The following ANKRD33B variants were observed in gnomAD, a reference collection of about 807,000 sequenced individuals.
ANKRD33B encodes ankyrin repeat domain 33B.
ANKRD33B carries 6 observed loss-of-function variants against 21.5 expected under a neutral mutation model. That is an observed-to-expected ratio of 0.28 (90% CI 0.15 to 0.55). The LOEUF (loss-of-function observed/expected upper bound fraction) is 0.55, where lower values mean the gene tolerates loss of function less well. Ranked by LOEUF, ANKRD33B falls within the 20% of genes least tolerant of loss-of-function variation. The pLI, the probability that ANKRD33B is intolerant of heterozygous loss-of-function variation, is 0.94. For synonymous variants in ANKRD33B, 347 were observed against 342.4 expected, an observed-to-expected ratio of 1.01 and a Z score of -0.15; for missense variants, 698 against 747.2, an observed-to-expected ratio of 0.93 and a Z score of 0.77.
intron 3 of ANKRD33B, among the ~76,000 whole-genome samples, chr5:10,647,568 T>C (rs1737217062): frequency 6.6e-6 from 1 of 152,166 alleles, no homozygotes; most frequent in Non-Finnish European, 1.5e-5. Flanking sequence ...GTGGGTGGAC[T>C]GGGGAGATTT....
rs1159519545 is a variant in ANKRD33B at position 10,649,921 on chromosome 5, G to C, written c.1293G>C (p.Ala431=). The C allele has an allele frequency of 6.6e-7, 1 of 1,523,192 alleles. No homozygotes were observed. Among genetic ancestry groups the C allele is most frequent in the East Asian group, 2.5e-5 (1 of 39,776 alleles). 94.4% of individuals were successfully genotyped at this position (1,523,192 alleles called of 1,614,324 possible). The change falls in exon 4 of 4, where the codon GCG becomes GCC. Residue 431 remains alanine (A), a synonymous_variant. Coordinates refer to ENST00000296657, the MANE Select transcript of ANKRD33B (RefSeq NM_001164440.2). ...VVVPRVRVSK[A]PAPTFQPERP... is the part of the protein sequence containing the mutation. The stretch of plus-strand genomic sequence containing the variant: ...TGCCCCGGGTCCGAGTCAGCAAGGC[G>C]CCCGCGCCCACCTTCCAGCCCGAGC...
At chr5:10,607,829 T>TC (rs1184027911) in intron 1 of ANKRD33B, among the ~76,000 whole-genome samples, 2 of 152,212 alleles carry the variant, frequency 1.3e-5, no homozygotes, top group Non-Finnish European at 2.9e-5. Context: ...GTCTGTGAGT[T>TC]CATCTTCTTA....
intron 1 of ANKRD33B, among the ~76,000 whole-genome samples, chr5:10,567,588 C>A (rs1735089541): frequency 6.6e-6 from 1 of 152,218 alleles, no homozygotes; most frequent in Non-Finnish European, 1.5e-5. Context: ...GGCACCTTCC[C>A]TGGGAGGCTT....
intron 1 of ANKRD33B, among the ~76,000 whole-genome samples, chr5:10,601,530 C>T (rs1735930485): frequency 6.6e-6 from 1 of 152,218 alleles, no homozygotes; most frequent in Non-Finnish European, 1.5e-5. Flanking sequence ...CTGGGCCGAG[C>T]CTGGCATTCT....
rs1737498567 is a variant in ANKRD33B, at chr5:10,656,876, A to C, written c.*6763A>C. The C allele has an allele frequency of 6.6e-6, 1 of 152,330 alleles. No individual in the cohort carries two copies. The highest frequency in any genetic ancestry group is 1.5e-5 in the Non-Finnish European group (1 of 68,044). The allele number at this position is 152,330 out of a possible 1,614,324, so 9.4% of individuals were successfully genotyped here. The stretch of plus-strand genomic sequence containing the variant: ...CTGAGGAAGCCCTGGTATTTCCCCA[A>C]GTCTGCCTATGTATTAGACACTCTA... On this transcript the variant is annotated 3_prime_UTR_variant, in exon 4 of 4. Transcript: ENST00000296657.
chr5:10,610,915 G>A (rs1312659868), intron 1 of ANKRD33B, among the ~76,000 whole-genome samples: 1 of 152,100 alleles, frequency 6.6e-6, no homozygotes, highest in Non-Finnish European at 1.5e-5. Context: ...GTGGTGGCGG[G>A]AGACTGTAAT....
intron 1 of ANKRD33B, among the ~76,000 whole-genome samples, chr5:10,605,821 G>C (rs538916280): frequency 6.6e-6 from 1 of 152,298 alleles, no homozygotes; most frequent in South Asian, 2.1e-4. Context: ...GAGCCACCAT[G>C]CCTGGCTGAG....
At chr5:10,590,589 TGC>T (rs34685376) in intron 1 of ANKRD33B, among the ~76,000 whole-genome samples, 39,192 of 150,032 alleles carry the variant, frequency 0.26, 5,471 homozygotes, top group Admixed American at 0.37. Context: ...TATTTTGAGA[TGC>T]GCGCGCGCGC....
Position 10,564,757 on chromosome 5 carries a change from A to G in ANKRD33B, c.290A>G (p.Asn97Ser), listed in dbSNP as rs1223839386. The G allele has an allele frequency of 1.0e-5, 16 of 1,528,876 alleles. No homozygotes were observed. The East Asian group carries it at 2.0e-4, about 19-fold the overall frequency. 94.7% of individuals were successfully genotyped at this position (1,528,876 alleles called of 1,614,324 possible). The change falls in exon 1 of 4, where the codon AAC (asparagine) becomes AGC (serine). Residue 97 changes from asparagine (N) to serine (S), a missense_variant. Asn to Ser is a conservative substitution (Grantham distance 46). Coordinates refer to ENST00000296657, the MANE Select transcript of ANKRD33B (RefSeq NM_001164440.2). ...ATLLRAACANNVGLLRTLVRR... is the reference protein window; with the variant it reads ...ATLLRAACANSVGLLRTLVRR... ...CTCCTGCGCGCCGCCTGCGCCAACAACGTGGGGCTGCTGCGGACGCTGGTG... is the reference window on the plus strand; with the variant it reads ...CTCCTGCGCGCCGCCTGCGCCAACAGCGTGGGGCTGCTGCGGACGCTGGTG...
chr5:10,626,905 A>G (rs1014883705), intron 2 of ANKRD33B, among the ~76,000 whole-genome samples: 2 of 152,230 alleles, frequency 1.3e-5, no homozygotes, highest in Non-Finnish European at 2.9e-5. Flanking sequence ...AGCATTGTGA[A>G]GCGCAATCTT....
intron 2 of ANKRD33B, among the ~76,000 whole-genome samples, chr5:10,621,433 A>C (rs920934079): frequency 6.6e-6 from 1 of 152,172 alleles, no homozygotes; most frequent in African/African-American, 2.4e-5. Flanking sequence ...CCTCCTCTTC[A>C]CCCTTTCCAT....
intron 1 of ANKRD33B, among the ~76,000 whole-genome samples, chr5:10,584,721 A>G (rs373807033): frequency 5.3e-5 from 8 of 152,174 alleles, no homozygotes; most frequent in African/African-American, 1.9e-4. Flanking sequence ...CCAGACAGAA[A>G]TGGAGATTGC....
chr5:10,621,523 C>T (rs1736421466), intron 2 of ANKRD33B, among the ~76,000 whole-genome samples: 1 of 152,136 alleles, frequency 6.6e-6, no homozygotes, highest in African/African-American at 2.4e-5. Flanking sequence ...TGTCCTACGA[C>T]AAATGTGCAC....
chr5:10,611,750 G>A (rs1368352725), intron 1 of ANKRD33B, among the ~76,000 whole-genome samples: 1 of 152,216 alleles, frequency 6.6e-6, no homozygotes, highest in African/African-American at 2.4e-5. Context: ...CTTGGGGAGT[G>A]TATTTCAAGG....
At chr5:10,617,800 C>T (rs1736320453) in intron 1 of ANKRD33B, among the ~76,000 whole-genome samples, 1 of 152,230 alleles carries the variant, frequency 6.6e-6, no homozygotes, top group Admixed American at 6.5e-5. Context: ...TCCCTGGATG[C>T]ACCAGGCACA....
At chr5:10,590,440 A>G (rs1414091951) in intron 1 of ANKRD33B, among the ~76,000 whole-genome samples, 2 of 152,206 alleles carry the variant, frequency 1.3e-5, no homozygotes, top group Middle Eastern at 3.2e-3. Flanking sequence ...GGCTTCCTAT[A>G]GAAATATGGC....
intron 1 of ANKRD33B, among the ~76,000 whole-genome samples, chr5:10,567,092 C>G (rs998924534): frequency 3.3e-5 from 5 of 152,136 alleles, no homozygotes; most frequent in Non-Finnish European, 5.9e-5. Flanking sequence ...TGATGTAGGC[C>G]CGGACATAGC....
intron 1 of ANKRD33B, among the ~76,000 whole-genome samples, chr5:10,600,196 A>C (rs1203099993): frequency 6.6e-6 from 1 of 152,244 alleles, no homozygotes; most frequent in East Asian, 1.9e-4. Flanking sequence ...ATTGAGAGAT[A>C]ATTTACATAC....
chr5:10,632,475 G>T (rs1009175224), intron 2 of ANKRD33B, among the ~76,000 whole-genome samples: 13 of 152,104 alleles, frequency 8.5e-5, no homozygotes, highest in Non-Finnish European at 1.5e-4. Flanking sequence ...CGGAACCAGG[G>T]GTGTGGCGGG....
Sources: allele counts gnomAD v4.1 joint callset (sites outside exome capture counted in the v4.1 genomes callset), GRCh38; gene constraint gnomAD v4.1.1; transcripts MANE v1.5; gene names NCBI Gene and HGNC (gene_info 2026-07-23, HGNC 2026-07-21).